Variants in LTBP1 observed in about 807,000 individuals in gnomAD.
The protein encoded by LTBP1 is latent transforming growth factor beta binding protein 1, also known as latent-transforming growth factor beta-binding protein 1.
LTBP1 carries 129 observed loss-of-function variants against 207.6 expected under a neutral mutation model. The ratio of observed to expected loss-of-function variants is 0.62; its 90% confidence interval spans 0.54 to 0.72. LTBP1 has a LOEUF of 0.72. Ranked by LOEUF, LTBP1 falls within the 30% of genes least tolerant of loss-of-function variation. The probability of loss-of-function intolerance (pLI) is 0.00; values close to 1 mark genes in which losing one functional copy is unlikely to be tolerated. For synonymous variants in LTBP1, 963 were observed against 833.7 expected (o/e 1.16, Z -2.67); for missense variants, 2,281 against 2,217.2 (o/e 1.03, Z -0.58).
At chr2:33,219,703 A>G (rs2090969696) in intron 8 of LTBP1, among the ~76,000 whole-genome samples, 1 of 152,052 alleles carries the variant, frequency 6.6e-6, no homozygotes, top group South Asian at 2.1e-4. Flanking sequence ...CTAATATTAA[A>G]TACCTTCCCC....
intron 3 of LTBP1, among the ~76,000 whole-genome samples, chr2:33,062,777 A>G (rs189122420): frequency 2.0e-5 from 3 of 152,332 alleles, no homozygotes; most frequent in South Asian, 4.1e-4. Context: ...TGATTTTCGT[A>G]TCTGATAACC....
chr2:33,171,080 T>G (rs2085394092), intron 5 of LTBP1, among the ~76,000 whole-genome samples: 1 of 115,456 alleles, frequency 8.7e-6, no homozygotes, highest in Admixed American at 9.1e-5. Context: ...GCAGAAAAAC[T>G]GGAAACTCTA....
intron 3 of LTBP1, among the ~76,000 whole-genome samples, chr2:33,033,738 C>T (rs911313947): frequency 6.6e-6 from 1 of 151,768 alleles, no homozygotes; most frequent in Non-Finnish European, 1.5e-5. Flanking sequence ...AAAAAATGCA[C>T]ACTAGAAAAT....
chr2:33,103,331 T>G (rs536936380), intron 3 of LTBP1, among the ~76,000 whole-genome samples: 2 of 152,158 alleles, frequency 1.3e-5, no homozygotes, highest in Non-Finnish European at 2.9e-5. Context: ...TTATGCCGTA[T>G]GCATTGTCTG....
intron 5 of LTBP1, among the ~76,000 whole-genome samples, chr2:33,160,972 G>A (rs1344303959): frequency 6.6e-6 from 1 of 152,122 alleles, no homozygotes; most frequent in African/African-American, 2.4e-5. Context: ...GGTCTTTCTT[G>A]CCCCTCTTGA....
chr2:33,305,866 T>C (rs1432917931), intron 22 of LTBP1, among the ~76,000 whole-genome samples: 1 of 152,148 alleles, frequency 6.6e-6, no homozygotes, highest in Non-Finnish European at 1.5e-5. Flanking sequence ...TGTCAAATGT[T>C]ATTGCTAGGT....
At chr2:33,225,088 T>A (rs1374159844) in intron 9 of LTBP1, among the ~76,000 whole-genome samples, 1 of 152,212 alleles carries the variant, frequency 6.6e-6, no homozygotes, top group Non-Finnish European at 1.5e-5. Context: ...TTGTGTCATT[T>A]TCTTATCTTT....
In LTBP1 at chr2:33,102,649, A is replaced by G. The variant is rs116082233; in HGVS notation, c.864-7933A>G. ...TATTTTCATTTCTCCCATTTTCCTG[A>G]CTTTGTGTTTGCTCCTTTCATTTTA... On this transcript the variant is annotated intron_variant, in intron 3 of 33. Transcript: ENST00000404816. Among the ~76,000 whole-genome samples the G allele has an allele frequency of 5.9e-3, 888 of 151,192 alleles. 7 individuals are homozygous for G. The highest frequency in any genetic ancestry group is 0.02 in the African/African-American group (821 of 41,112).
chr2:33,343,047 G>A (rs1426986578), intron 25 of LTBP1, 84 bp downstream of exon 25: 2 of 1,396,962 alleles, frequency 1.4e-6, no homozygotes, highest in Non-Finnish European at 1.9e-6. Flanking sequence ...CTTTTAAGCA[G>A]GTAATTTGGG....
chr2:33,324,118 A>G (rs1196225810), intron 24 of LTBP1, among the ~76,000 whole-genome samples: 1 of 152,170 alleles, frequency 6.6e-6, no homozygotes, highest in African/African-American at 2.4e-5. Flanking sequence ...AGCATTTCTT[A>G]TACTGGTACC....
intron 9 of LTBP1, among the ~76,000 whole-genome samples, chr2:33,227,428 G>GT (rs1179416085): frequency 2.0e-5 from 3 of 152,160 alleles, no homozygotes; most frequent in Non-Finnish European, 4.4e-5. Flanking sequence ...GAATTTGACA[G>GT]TTTAAGTTTT....
intron 4 of LTBP1, among the ~76,000 whole-genome samples, chr2:33,132,537 T>C (rs2081874264): frequency 6.6e-6 from 1 of 152,216 alleles, no homozygotes; most frequent in Admixed American, 6.5e-5. Flanking sequence ...CCTAATATAG[T>C]TACAATTTGG....
chr2:33,384,706 G>A (rs1265095705), intron 31 of LTBP1, among the ~76,000 whole-genome samples: 1 of 152,212 alleles, frequency 6.6e-6, no homozygotes, highest in Admixed American at 6.5e-5. Context: ...GTTTCTTGTG[G>A]GAAGTTATGG....
chr2:33,019,393 T>TGG (rs924908225), intron 2 of LTBP1, among the ~76,000 whole-genome samples: 4 of 148,362 alleles, frequency 2.7e-5, no homozygotes, highest in African/African-American at 1.0e-4. Flanking sequence ...CTGCAATGTG[T>TGG]GGCACCATCT....
intron 2 of LTBP1, among the ~76,000 whole-genome samples, chr2:33,018,599 G>C (rs373274753): frequency 6.6e-6 from 1 of 152,102 alleles, no homozygotes; most frequent in African/African-American, 2.4e-5. Flanking sequence ...CCATGGCTGA[G>C]CAGGGACCCA....
At chr2:33,357,669 G>T (rs974510986) in intron 26 of LTBP1, among the ~76,000 whole-genome samples, 1 of 152,106 alleles carries the variant, frequency 6.6e-6, no homozygotes, top group Non-Finnish European at 1.5e-5. Context: ...CACACCTCTA[G>T]AATAAAATAT....
At chr2:33,209,833 C>A (rs1247726420) in intron 7 of LTBP1, among the ~76,000 whole-genome samples, 2 of 152,136 alleles carry the variant, frequency 1.3e-5, no homozygotes, top group Non-Finnish European at 2.9e-5. Context: ...GGGGCTTGGC[C>A]ATATGGCTGT....
chr2:33,234,066 G>A (rs2091923590), intron 9 of LTBP1, among the ~76,000 whole-genome samples: 2 of 152,034 alleles, frequency 1.3e-5, no homozygotes, highest in African/African-American at 4.8e-5. Context: ...TTCAGTAAGT[G>A]TTTTCTTTAG....
intron 7 of LTBP1, among the ~76,000 whole-genome samples, chr2:33,216,671 G>C (rs1052270480): frequency 6.6e-6 from 1 of 152,240 alleles, no homozygotes; most frequent in South Asian, 2.1e-4. Flanking sequence ...AGACAAAAAT[G>C]TGGGGTGTGT....
Sources: gnomAD v4.1 joint callset for allele counts (sites outside exome capture counted in the v4.1 genomes callset) on GRCh38, gnomAD v4.1.1 for gene constraint, MANE v1.5 for transcripts, NCBI Gene and HGNC (gene_info 2026-07-23, HGNC 2026-07-21) for gene names.